The following YTHDC2 variants were observed in gnomAD, a reference collection of about 807,000 sequenced individuals.
YTHDC2 encodes 3'-5' RNA helicase YTHDC2.
Under a neutral mutation model 174.9 loss-of-function variants are expected in YTHDC2, and 45 were observed. The observed-to-expected ratio is 0.26, with a 90% CI of 0.20 to 0.33. YTHDC2 has a LOEUF of 0.33. Ranked by LOEUF, YTHDC2 falls within the 10% of genes least tolerant of loss-of-function variation. The pLI is 1.00. For missense variants in YTHDC2, 1,650 were observed against 1,723.7 expected (o/e 0.96, Z 0.76); for synonymous variants, 657 against 574.5 (o/e 1.14, Z -2.05).
At chr5:113,578,373 T>TTTGG (rs2112781186) in intron 23 of YTHDC2, among the ~76,000 whole-genome samples, 1 of 145,788 alleles carries the variant, frequency 6.9e-6, no homozygotes, top group East Asian at 2.0e-4. Context: ...GAAGGTTTTG[T>TTTGG]TTTGTTTTGT....
rs113562500 is a variant in YTHDC2 at position 113,564,050 on chromosome 5, A to G, written c.2634A>G (p.Gln878=). 6.2e-7 allele frequency: 1 copy of G among 1,614,170 alleles called. No individual in the cohort carries two copies. Among genetic ancestry groups the G allele is most frequent in the Non-Finnish European group, 8.5e-7 (1 of 1,180,020 alleles). ...DPFVLPTQAS[Q]KRAAMLCRKR... is the part of the protein sequence containing the mutation. Reference sequence around the variant, plus strand: ...TTGTACTACCTACTCAGGCCTCTCAAAAACGTGCAGCTATGCTTTGTAGGA... The same window carrying G: ...TTGTACTACCTACTCAGGCCTCTCAGAAACGTGCAGCTATGCTTTGTAGGA... Residue 878 remains glutamine, a synonymous_variant, in exon 20 of 30, where the codon CAA becomes CAG. Coordinates refer to ENST00000161863, the MANE Select transcript of YTHDC2 (RefSeq NM_022828.5).
intron 26 of YTHDC2, among the ~76,000 whole-genome samples, chr5:113,589,406 A>ATATATATATATATATATAT (rs1350140447): frequency 2.2e-4 from 25 of 111,124 alleles, no homozygotes; most frequent in African/African-American, 8.9e-4. Flanking sequence ...AAAAAAAAAA[A>ATATATATATATATATATAT]AAATATATAT....
chr5:113,557,766 C>A lies in YTHDC2; in HGVS notation c.2216+1632C>A, dbSNP rs1280380612. 2.6e-5 allele frequency among the ~76,000 whole-genome samples: 4 copies of A among 152,152 alleles called. No individual in the cohort carries two copies. In the East Asian group the frequency reaches 7.7e-4, roughly 29 times the overall value. On this transcript the variant is annotated intron_variant, in intron 17 of 29. Transcript: ENST00000161863. Reference sequence around the variant, plus strand: ...CGTGAGCTGTGATCATACCACTCTACTCCAGCCGGAGCGACAGAGCCAGAC... The same window carrying A: ...CGTGAGCTGTGATCATACCACTCTAATCCAGCCGGAGCGACAGAGCCAGAC...
At chr5:113,520,833 G>C (rs899129867) in intron 2 of YTHDC2, among the ~76,000 whole-genome samples, 3 of 152,148 alleles carry the variant, frequency 2.0e-5, no homozygotes, top group African/African-American at 7.2e-5. Context: ...CATGAGTCAA[G>C]GGGGTTTGTT....
intron 22 of YTHDC2, 145 bp from the exon 23 acceptor site, chr5:113,567,509 A>T: frequency 1.4e-6 from 1 of 712,696 alleles, no homozygotes; most frequent in Non-Finnish European, 2.1e-6. Context: ...TGTACGAACT[A>T]CATGAGCGAT....
At chr5:113,586,454 G>A (rs1054314766) in intron 26 of YTHDC2, among the ~76,000 whole-genome samples, 8 of 151,900 alleles carry the variant, frequency 5.3e-5, no homozygotes, top group Non-Finnish European at 1.0e-4. Context: ...CTAACAGTAT[G>A]TGGCTTGTCT....
At chr5:113,531,156 T>C (rs538521833) in intron 4 of YTHDC2, among the ~76,000 whole-genome samples, 2 of 152,288 alleles carry the variant, frequency 1.3e-5, no homozygotes, top group Non-Finnish European at 2.9e-5. Context: ...GATACACTTA[T>C]CTTCTCTTTT....
At chr5:113,548,011 TTC>T (rs1232815972) in intron 10 of YTHDC2, among the ~76,000 whole-genome samples, 1 of 152,164 alleles carries the variant, frequency 6.6e-6, no homozygotes, top group Admixed American at 6.5e-5. Flanking sequence ...GAAATAAACT[TTC>T]TGTCAGTGTT....
intron 25 of YTHDC2, 33 bp from the exon 26 acceptor site, chr5:113,584,269 T>G: frequency 6.3e-7 from 1 of 1,582,390 alleles, no homozygotes. Flanking sequence ...AACTTATATA[T>G]AACTGATCTT....
intron 28 of YTHDC2, 58 bp downstream of exon 28, chr5:113,592,236 C>T: frequency 6.8e-7 from 1 of 1,470,316 alleles, no homozygotes; most frequent in South Asian, 1.4e-5. Context: ...TTCTGTTATC[C>T]AGTGCTTTAA....
intron 2 of YTHDC2, among the ~76,000 whole-genome samples, chr5:113,519,073 A>G (rs531902835): frequency 1.3e-5 from 2 of 151,314 alleles, no homozygotes; most frequent in Admixed American, 6.6e-5. Context: ...GGGTCTTGCT[A>G]TGTTGCCCAG....
intron 10 of YTHDC2, among the ~76,000 whole-genome samples, chr5:113,543,486 T>C (rs1192751868): frequency 1.3e-5 from 2 of 152,204 alleles, no homozygotes; most frequent in Non-Finnish European, 2.9e-5. Context: ...TACTGTACAT[T>C]TCACTCCCCT....
At chr5:113,589,401 A>G (rs1778870119) in intron 26 of YTHDC2, among the ~76,000 whole-genome samples, 1 of 111,308 alleles carries the variant, frequency 9.0e-6, no homozygotes, top group East Asian at 2.1e-4. Context: ...AAATTAAAAA[A>G]AAAAAAAATA....
At chr5:113,541,226 C>T in intron 9 of YTHDC2, 110 bp downstream of exon 9, 1 of 1,230,250 alleles carries the variant, frequency 8.1e-7, no homozygotes, top group Non-Finnish European at 1.1e-6. Context: ...GAGTCTGGCT[C>T]TGTGGCCCAG....
Position 113,569,056 on chromosome 5 carries a change from A to T in YTHDC2, c.3244+1207A>T, listed in dbSNP as rs547129337. Among the ~76,000 whole-genome samples the T allele has an allele frequency of 4.5e-4, 68 of 151,924 alleles. 1 individual carries two copies. The South Asian group carries it at 0.013, about 29-fold the overall frequency. ...GTTTTTTGACTTTTTAATAATAGCAATTCTGATCTCATTGTGGTTTTGAAT... is the reference window on the plus strand; with the variant it reads ...GTTTTTTGACTTTTTAATAATAGCATTTCTGATCTCATTGTGGTTTTGAAT... On this transcript the variant is annotated intron_variant, in intron 23 of 29. Transcript: ENST00000161863.
At chr5:113,575,113 C>A (rs577327528) in intron 23 of YTHDC2, among the ~76,000 whole-genome samples, 1 of 152,146 alleles carries the variant, frequency 6.6e-6, no homozygotes, top group South Asian at 2.1e-4. Flanking sequence ...GTTGAAGATG[C>A]TGAATTCATT....
chr5:113,514,230 C>G, intron 1 of YTHDC2, 148 bp downstream of exon 1: 1 of 1,020,556 alleles, frequency 9.8e-7, no homozygotes, highest in Non-Finnish European at 1.5e-6. Flanking sequence ...TCAGCGGCGG[C>G]ACCCGGGTCT....
intron 4 of YTHDC2, among the ~76,000 whole-genome samples, chr5:113,529,580 A>C (rs1449338018): frequency 6.6e-6 from 1 of 152,114 alleles, no homozygotes; most frequent in Non-Finnish European, 1.5e-5. Context: ...TCAAGCTGAT[A>C]AGCTTGATAA....
Position 113,534,406 on chromosome 5 carries a change from T to G in YTHDC2, c.944T>G (p.Val315Gly). Residue 315 changes from valine (V) to glycine (G), a missense_variant and splice_region_variant, in exon 6 of 30, where the codon GTG becomes GGG. Around this residue, in one of 5 missense-constraint regions of YTHDC2, gnomAD observed 411 missense variants for 380.6 expected, o/e 1.08. Transcript: ENST00000161863. Reference sequence around the variant, plus strand: ...TTGTCGACTGTGACACATGTTATCGTGGTAAGAATATTGCTGAATTTGTCA... The same window carrying G: ...TTGTCGACTGTGACACATGTTATCGGGGTAAGAATATTGCTGAATTTGTCA... ...STLSTVTHVI[V>G]DEVHERDRFS... The G allele has an allele frequency of 6.2e-7, 1 of 1,610,212 alleles. No individual in the cohort carries two copies. The highest frequency in any genetic ancestry group is 1.1e-5 in the South Asian group (1 of 90,636).
Sources: gnomAD v4.1 joint callset for allele counts (sites outside exome capture counted in the v4.1 genomes callset) on GRCh38, gnomAD v4.1.1 for gene constraint, gnomAD v4.1.1 regional missense constraint, MANE v1.5 for transcripts, NCBI Gene and HGNC (gene_info 2026-07-23, HGNC 2026-07-21) for gene names.